The following MTF1 variants were observed in gnomAD, a reference collection of about 807,000 sequenced individuals.
MTF1 encodes metal regulatory transcription factor 1, also known as MRE-binding transcription factor.
MTF1 carries 22 observed loss-of-function variants against 70.4 expected under a neutral mutation model. The observed-to-expected ratio is 0.31, with a 90% CI of 0.22 to 0.45. MTF1 has a LOEUF of 0.45. MTF1 is among the 20% of genes least tolerant of loss of function. The probability of loss-of-function intolerance (pLI) is 1.00; values close to 1 mark genes in which losing one functional copy is unlikely to be tolerated. For missense variants in MTF1, 649 were observed against 922.0 expected (o/e 0.70, Z 3.83); for synonymous variants, 333 against 352.8 (o/e 0.94, Z 0.63).
chr1:37,820,414 T>C (rs918295435), intron 9 of MTF1, among the ~76,000 whole-genome samples: 1 of 152,250 alleles, frequency 6.6e-6, no homozygotes, highest in Non-Finnish European at 1.5e-5. Context: ...AATCTGCTTA[T>C]GCTTAAATCC....
intron 5 of MTF1, 32 bp downstream of exon 5, chr1:37,835,639 G>C (rs1407422059): frequency 6.4e-7 from 1 of 1,555,274 alleles, no homozygotes; most frequent in South Asian, 1.1e-5. Context: ...ATAGTTACAG[G>C]CTTGATGAAA....
At position 37,840,016 on chromosome 1, in the gene MTF1, G is replaced by A; in HGVS notation, c.551C>T (p.Ser184Phe). The A allele has an allele frequency of 1.2e-6, 2 of 1,614,266 alleles. No homozygotes were observed. Among genetic ancestry groups the A allele is most frequent in the Non-Finnish European group, 1.7e-6 (2 of 1,180,046 alleles). The change falls in exon 3 of 11, where the codon TCT becomes TTT. Residue 184 changes from serine (S) to phenylalanine (F), a missense_variant. Ser to Phe is a radical substitution (Grantham distance 155). Transcript: ENST00000373036. This position sits in a 1 kb window ranked among gnomAD's most constrained non-coding sequence, Gnocchi z 4.5. ...TCGCACGTGGATCCTGAGGCTGTAA[G>A]AGGTAAGGAAGGCTTTGCCACAGCC... is the stretch of plus-strand genomic sequence containing the variant. ...QEGCGKAFLT[S>F]YSLRIHVRVH...
chr1:37,813,461 T>C lies in MTF1; in HGVS notation c.*1675A>G, dbSNP rs1640766476. ...GGAGGGCCTCTGGCTCCAAGGTAAA[T>C]TATCTGTTCTCAATAATATCTTGGC... On this transcript the variant is annotated 3_prime_UTR_variant, in exon 11 of 11. Transcript: ENST00000373036. 1 of 152,258 alleles carries C rather than the reference T, an allele frequency of 6.6e-6. No individual in the cohort carries two copies. The highest frequency in any genetic ancestry group is 2.4e-5 in the African/African-American group (1 of 41,460). The allele number at this position is 152,258 out of a possible 1,614,324, so 9.4% of individuals were successfully genotyped here.
intron 2 of MTF1, among the ~76,000 whole-genome samples, chr1:37,852,800 T>C (rs1641436595): frequency 6.6e-6 from 1 of 152,056 alleles, no homozygotes; most frequent in African/African-American, 2.4e-5. Flanking sequence ...CCGGCTAATT[T>C]TTGTATTTTT....
chr1:37,841,064 C>A lies in MTF1; in HGVS notation c.409-906G>T, dbSNP rs2148415049. 3 of 195,392 alleles carry A rather than the reference C, an allele frequency of 1.5e-5. No homozygotes were observed. The South Asian group carries it at 2.6e-4, about 17-fold the overall frequency. 12.1% of individuals were successfully genotyped at this position (195,392 alleles called of 1,614,324 possible). Reference sequence around the variant, plus strand: ...GGAGAAGGTCTAGCTCTTCTCCCTGCCCATTAAGGAGTCTGAGATCATTGA... The same window carrying A: ...GGAGAAGGTCTAGCTCTTCTCCCTGACCATTAAGGAGTCTGAGATCATTGA... On this transcript the variant is annotated intron_variant, in intron 2 of 10. Coordinates refer to ENST00000373036, the MANE Select transcript of MTF1 (RefSeq NM_005955.3).
Position 37,857,402 on chromosome 1 carries a change from T to C in MTF1, c.257A>G (p.His86Arg), listed in dbSNP as rs753948601. 7 of 1,614,116 alleles carry C rather than the reference T, an allele frequency of 4.3e-6. No homozygotes were observed. The highest frequency in any genetic ancestry group is 5.1e-6 in the Non-Finnish European group (6 of 1,180,062). The change falls in exon 2 of 11, where the codon CAT becomes CGT. Residue 86 changes from histidine to arginine, a missense_variant. By Grantham distance (29) the His-to-Arg change is conservative. Transcript: ENST00000373036. ...CACATAACCCTGGGACATTGCTTCA[T>C]GATCTATCAGGTGAAAGCCCTCTTC... ...GGEEGFHLID[H>R]EAMSQGYVQH... is the part of the protein sequence containing the mutation.
intron 9 of MTF1, among the ~76,000 whole-genome samples, chr1:37,820,249 T>A (rs1640890978): frequency 6.6e-6 from 1 of 152,196 alleles, no homozygotes; most frequent in African/African-American, 2.4e-5. Flanking sequence ...AATAGTAGCA[T>A]ACATCCACCT....
At chr1:37,859,251 GA>G (rs1041637215) in intron 1 of MTF1, among the ~76,000 whole-genome samples, 6 of 152,212 alleles carry the variant, frequency 3.9e-5, no homozygotes, top group African/African-American at 7.2e-5. Context: ...AGGAGGCTGG[GA>G]AAAGGAACCT....
At chr1:37,837,358 A>G (rs1229842548) in intron 4 of MTF1, among the ~76,000 whole-genome samples, 2 of 152,064 alleles carry the variant, frequency 1.3e-5, no homozygotes, top group African/African-American at 2.4e-5. Context: ...CCACAATTCC[A>G]TTTGATTGGC....
intron 2 of MTF1, among the ~76,000 whole-genome samples, chr1:37,844,824 AG>A (rs1481363632): frequency 1.7e-4 from 26 of 152,346 alleles, no homozygotes; most frequent in African/African-American, 6.3e-4. Flanking sequence ...CCCTTCCTCT[AG>A]GAACTCTTCC....
At chr1:37,847,292 T>A (rs958249938) in intron 2 of MTF1, among the ~76,000 whole-genome samples, 1 of 152,224 alleles carries the variant, frequency 6.6e-6, no homozygotes, top group African/African-American at 2.4e-5. Flanking sequence ...GGCTTTGGCA[T>A]CCAGAAAGTC....
At position 37,857,454 on chromosome 1, in the gene MTF1, C is replaced by G; in HGVS notation, c.205G>C (p.Glu69Gln). 6.2e-7 allele frequency: 1 copy of G among 1,614,200 alleles called. No individual in the cohort carries two copies. The highest frequency in any genetic ancestry group is 1.1e-5 in the South Asian group (1 of 91,084). Residue 69 changes from glutamate to glutamine, a missense_variant, in exon 2 of 11, where the codon GAA (glutamate) becomes CAA (glutamine). By Grantham distance (29) the Glu-to-Gln change is conservative. Coordinates refer to ENST00000373036, the MANE Select transcript of MTF1 (RefSeq NM_005955.3). Reference protein sequence around the residue: ...EDEDDDGQCGEHLPFLVGGEE... With the variant: ...EDEDDDGQCGQHLPFLVGGEE... ...CCCCCTACTAGAAAAGGCAAGTGTTCTCCGCACTGTCCGTCGTCATCTTCA... is the reference window on the plus strand; with the variant it reads ...CCCCCTACTAGAAAAGGCAAGTGTTGTCCGCACTGTCCGTCGTCATCTTCA...
At chr1:37,855,546 A>T (rs1357963167) in intron 2 of MTF1, among the ~76,000 whole-genome samples, 1 of 152,234 alleles carries the variant, frequency 6.6e-6, no homozygotes, top group Non-Finnish European at 1.5e-5. Context: ...TTAAGACCTC[A>T]ACCACAGCAA....
At chr1:37,842,468 G>A (rs1279963162) in intron 2 of MTF1, among the ~76,000 whole-genome samples, 1 of 152,068 alleles carries the variant, frequency 6.6e-6, no homozygotes, top group Admixed American at 6.5e-5. Context: ...TATTTTCCTT[G>A]ACTATTCGCA....
rs139552514 is a variant in MTF1 at position 37,858,878 on chromosome 1, C to T, written c.-52+653G>A. On this transcript the variant is annotated intron_variant, in intron 1 of 10. Coordinates refer to ENST00000373036, the MANE Select transcript of MTF1 (RefSeq NM_005955.3). Reference sequence around the variant, plus strand: ...GCTCTACAAATGTGGGTTTGGCAGGCAGAATAGAGAATTTTAAAATAATCA... The same window carrying T: ...GCTCTACAAATGTGGGTTTGGCAGGTAGAATAGAGAATTTTAAAATAATCA... 5.4e-3 allele frequency among the ~76,000 whole-genome samples: 821 copies of T among 152,286 alleles called. 8 individuals carry two copies. Among genetic ancestry groups the T allele is most frequent in the African/African-American group, 0.018 (767 of 41,554 alleles).
At chr1:37,853,171 A>C (rs1557599600) in intron 2 of MTF1, among the ~76,000 whole-genome samples, 1 of 152,096 alleles carries the variant, frequency 6.6e-6, no homozygotes, top group Non-Finnish European at 1.5e-5. Context: ...AATCCTTCTA[A>C]AATGCTACTC....
At chr1:37,817,603 A>G (rs1446033005) in intron 9 of MTF1, 121 bp from the exon 10 acceptor site, 7 of 727,492 alleles carry the variant, frequency 9.6e-6, no homozygotes, top group Non-Finnish European at 1.7e-5. Context: ...GTGTTCAGGG[A>G]TTTTTGTACT....
At chr1:37,825,727 G>A (rs761565742) in intron 7 of MTF1, among the ~76,000 whole-genome samples, 1 of 152,102 alleles carries the variant, frequency 6.6e-6, no homozygotes, top group Non-Finnish European at 1.5e-5. Context: ...ATGTGAAGAC[G>A]ATGAGGATGA....
chr1:37,815,711 T>A lies in MTF1; in HGVS notation c.1832-145A>T. ...CCACACTTCGGGCTTCGTTCTGCTT[T>A]AAATTGGACCACATGCCCTCTGAGG... On this transcript the variant is annotated intron_variant, in intron 10 of 10. Transcript: ENST00000373036. This position sits in a 1 kb window ranked among gnomAD's most constrained non-coding sequence, Gnocchi z 4.5. The A allele has an allele frequency of 1.7e-6, 1 of 586,818 alleles. No individual in the cohort carries two copies. The highest frequency in any genetic ancestry group is 2.9e-6 in the Non-Finnish European group (1 of 345,978). The allele number at this position is 586,818 out of a possible 1,614,324, so 36.4% of individuals were successfully genotyped here. A position where few individuals can be genotyped will look rare whatever the true frequency, so the allele number is the denominator to read the frequency against.
Sources: gnomAD v4.1 joint callset for allele counts (sites outside exome capture counted in the v4.1 genomes callset) on GRCh38, gnomAD v4.1.1 for gene constraint, Gnocchi (gnomAD v3.1) non-coding constraint, MANE v1.5 for transcripts, NCBI Gene and HGNC (gene_info 2026-07-23, HGNC 2026-07-21) for gene names.